KIF26B: variants seen among roughly 807,000 people sequenced by gnomAD.
KIF26B encodes kinesin family member 26B.
Under a neutral mutation model 151.2 loss-of-function variants are expected in KIF26B, and 63 were observed. The observed-to-expected ratio is 0.42, with a 90% CI of 0.34 to 0.51. The LOEUF (loss-of-function observed/expected upper bound fraction) is 0.51, where lower values mean the gene tolerates loss of function less well. Ranked by LOEUF, KIF26B falls within the 20% of genes least tolerant of loss-of-function variation. The pLI is 0.07. For missense variants in KIF26B, 2,813 were observed against 2,913.6 expected (o/e 0.97, Z 0.79); for synonymous variants, 1,357 against 1,262.1 (o/e 1.08, Z -1.59).
At position 245,540,204 on chromosome 1, in the gene KIF26B, G is replaced by C. The variant is rs190071909; in HGVS notation, c.1167-563G>C. On this transcript the variant is annotated intron_variant, in intron 4 of 14. Coordinates refer to ENST00000407071, the MANE Select transcript of KIF26B (RefSeq NM_018012.4). This position sits in a 1 kb window ranked among gnomAD's most constrained non-coding sequence, Gnocchi z 4.6. ...CCATAGCCTCAGCGCCCTGCACCCT[G>C]GTTGGAGTTCACCTTCTGATTTGGT... 3.8e-3 allele frequency among the ~76,000 whole-genome samples: 579 copies of C among 152,238 alleles called. 4 individuals carry two copies. The highest frequency in any genetic ancestry group is 8.5e-3 in the South Asian group (41 of 4,818).
At chr1:245,404,573 GGAAATGCCATAGCATGCA>G (rs1674088805) in intron 3 of KIF26B, among the ~76,000 whole-genome samples, 1 of 152,132 alleles carries the variant, frequency 6.6e-6, no homozygotes, top group Non-Finnish European at 1.5e-5. Flanking sequence ...CCAAGCTTTG[GGAAATGCCATAGCATGCA>G]GAATAGAAGA....
chr1:245,413,191 A>G (rs1674329084), intron 3 of KIF26B, among the ~76,000 whole-genome samples: 1 of 152,232 alleles, frequency 6.6e-6, no homozygotes, highest in South Asian at 2.1e-4. Context: ...GGTGACAGTG[A>G]CACATACACG....
At position 245,609,510 on chromosome 1, in the gene KIF26B, C is replaced by G; in HGVS notation, c.1896C>G (p.Asp632Glu). 6.4e-7 allele frequency: 1 copy of G among 1,564,800 alleles called. No individual in the cohort carries two copies. Among genetic ancestry groups the G allele is most frequent in the African/African-American group, 1.4e-5 (1 of 74,016 alleles). The stretch of plus-strand genomic sequence containing the variant: ...CCCCGGGCGTGTACCTCTGTGAGGA[C>G]CCCATCTGCGGCACGCAGGTGATTG... ...GQSPGVYLCEDPICGTQLQNQ... is the reference protein window; with the variant it reads ...GQSPGVYLCEEPICGTQLQNQ... The change falls in exon 8 of 15, where the codon GAC becomes GAG. Residue 632 changes from aspartate (D) to glutamate (E), a missense_variant. Around this residue, in one of 3 missense-constraint regions of KIF26B, gnomAD observed 2,060 missense variants for 2,088.6 expected, o/e 0.99. Transcript: ENST00000407071.
chr1:245,702,979 C>T lies in KIF26B; in HGVS notation c.*373C>T, dbSNP rs1014766937. 1.2e-4 allele frequency: 25 copies of T among 201,230 alleles called. No individual in the cohort carries two copies. Among genetic ancestry groups the T allele is most frequent in the Middle Eastern group, 1.8e-3 (1 of 560 alleles). The allele number at this position is 201,230 out of a possible 1,614,324, so 12.5% of individuals were successfully genotyped here. On this transcript the variant is annotated 3_prime_UTR_variant, in exon 15 of 15. Transcript: ENST00000407071. This position sits in a 1 kb window ranked among gnomAD's most constrained non-coding sequence, Gnocchi z 4.1. Reference sequence around the variant, plus strand: ...GTGGATGTAGGATTGCTGTGGAAAGCGAACACAAAACAACCCAGAATGACT... The same window carrying T: ...GTGGATGTAGGATTGCTGTGGAAAGTGAACACAAAACAACCCAGAATGACT...
chr1:245,313,598 A>C (rs1158965826), intron 2 of KIF26B, among the ~76,000 whole-genome samples: 1 of 152,210 alleles, frequency 6.6e-6, no homozygotes, highest in Non-Finnish European at 1.5e-5. Flanking sequence ...CTGAGCGGTC[A>C]AAAGATCTGT....
Position 245,244,466 on chromosome 1 carries a change from G to T in KIF26B, c.465+87783G>T, listed in dbSNP as rs1381737946. 6.6e-6 allele frequency among the ~76,000 whole-genome samples: 1 copy of T among 152,090 alleles called. No homozygotes were observed. Among genetic ancestry groups the T allele is most frequent in the Non-Finnish European group, 1.5e-5 (1 of 68,032 alleles). On this transcript the variant is annotated intron_variant, in intron 2 of 14. Transcript: ENST00000407071. The surrounding 1 kb of genome is among the most constrained non-coding windows in gnomAD (Gnocchi z 4.2). ...TTTAAAGTTCTGTGACTATGGGATG[G>T]CACTCTAAGCTTCAGCTGCAGTTGG...
chr1:245,460,336 G>A (rs546684630), intron 4 of KIF26B, among the ~76,000 whole-genome samples: 188 of 152,152 alleles, frequency 1.2e-3, no homozygotes, highest in African/African-American at 4.3e-3. Flanking sequence ...TCTTCTCTGG[G>A]TCATTTTTCT....
At chr1:245,631,879 ACT>A (rs934329133) in intron 9 of KIF26B, among the ~76,000 whole-genome samples, 8 of 151,338 alleles carry the variant, frequency 5.3e-5, no homozygotes, top group African/African-American at 1.7e-4. Context: ...TCTTCATAAG[ACT>A]CTAATCATTT....
chr1:245,664,315 C>T (rs897013730), intron 10 of KIF26B, among the ~76,000 whole-genome samples: 17 of 150,900 alleles, frequency 1.1e-4, no homozygotes, highest in Non-Finnish European at 2.2e-4. Context: ...GCCGAGATCA[C>T]GCCATTGCAC....
chr1:245,193,056 A>G (rs1669137358), intron 2 of KIF26B, among the ~76,000 whole-genome samples: 1 of 152,028 alleles, frequency 6.6e-6, no homozygotes, highest in Non-Finnish European at 1.5e-5. Context: ...TCCACCCTCA[A>G]AGTAGGTCTT....
At chr1:245,155,991 G>C (rs970942699) in intron 1 of KIF26B, among the ~76,000 whole-genome samples, 1 of 123,894 alleles carries the variant, frequency 8.1e-6, no homozygotes, top group Non-Finnish European at 1.7e-5. Context: ...TGAACCTATG[G>C]ATCCCCCCCG....
chr1:245,308,049 GACTCGTTTCTATT>G (rs1278186226), intron 2 of KIF26B, among the ~76,000 whole-genome samples: 1 of 152,084 alleles, frequency 6.6e-6, no homozygotes, highest in Non-Finnish European at 1.5e-5. Context: ...CTGTCCATCT[GACTCGTTTCTATT>G]ACTCTGAAAT....
intron 4 of KIF26B, among the ~76,000 whole-genome samples, chr1:245,445,640 T>C (rs1295367147): frequency 1.3e-5 from 2 of 152,214 alleles, no homozygotes; most frequent in African/African-American, 4.8e-5. Context: ...GTCAAATAGA[T>C]CATAAGCATA....
intron 4 of KIF26B, among the ~76,000 whole-genome samples, chr1:245,430,134 C>G (rs2103041186): frequency 6.6e-6 from 1 of 152,066 alleles, no homozygotes; most frequent in South Asian, 2.1e-4. Context: ...TTGTGAATAC[C>G]CTCGTGATCT....
At chr1:245,609,561 G>C in intron 8 of KIF26B, 33 bp downstream of exon 8, 1 of 1,480,482 alleles carries the variant, frequency 6.8e-7, no homozygotes. Flanking sequence ...TCGCCCCAAG[G>C]TGGCTCCCTC....
intron 10 of KIF26B, among the ~76,000 whole-genome samples, chr1:245,649,050 G>T (rs868049148): frequency 2.4e-4 from 36 of 152,298 alleles, no homozygotes; most frequent in African/African-American, 8.2e-4. Context: ...AGCCAGCGCT[G>T]TCCTTCCCAA....
chr1:245,273,249 A>G (rs1037451439), intron 2 of KIF26B, among the ~76,000 whole-genome samples: 2 of 151,874 alleles, frequency 1.3e-5, no homozygotes, highest in African/African-American at 4.8e-5. Flanking sequence ...CCCTGTCTCT[A>G]CTTAAAAAAA....
At chr1:245,174,037 T>C (rs1426990315) in intron 2 of KIF26B, among the ~76,000 whole-genome samples, 1 of 152,228 alleles carries the variant, frequency 6.6e-6, no homozygotes. Context: ...GCACATTAAA[T>C]GGTTCCCTGC....
chr1:245,610,024 A>G (rs2043501949), intron 8 of KIF26B, among the ~76,000 whole-genome samples: 1 of 152,226 alleles, frequency 6.6e-6, no homozygotes, highest in Non-Finnish European at 1.5e-5. Flanking sequence ...GAGAAGCTCC[A>G]GTTCACCATT....
Sources: allele counts gnomAD v4.1 joint callset (sites outside exome capture counted in the v4.1 genomes callset), GRCh38; gene constraint gnomAD v4.1.1; regional missense constraint gnomAD v4.1.1; non-coding constraint Gnocchi (gnomAD v3.1); transcripts MANE v1.5; gene names NCBI Gene and HGNC (gene_info 2026-07-23, HGNC 2026-07-21).